Variants in CYRIB observed in about 807,000 individuals in gnomAD.
The protein encoded by CYRIB is CYFIP related Rac1 interactor B, also known as CYFIP-related Rac1 interactor B.
Under a neutral mutation model 44.2 loss-of-function variants are expected in CYRIB, and 8 were observed. That is an observed-to-expected ratio of 0.18 (90% CI 0.11 to 0.33). CYRIB has a LOEUF of 0.33. Ranked by LOEUF, CYRIB falls within the 10% of genes least tolerant of loss-of-function variation. CYRIB has a pLI of 1.00. For synonymous variants in CYRIB, 131 were observed against 127.2 expected, an observed-to-expected ratio of 1.03 and a Z score of -0.20; for missense variants, 185 against 382.8, an observed-to-expected ratio of 0.48 and a Z score of 4.31.
intron 2 of CYRIB, among the ~76,000 whole-genome samples, chr8:129,900,763 T>G (rs1284813147): frequency 6.6e-6 from 1 of 152,142 alleles, no homozygotes; most frequent in Non-Finnish European, 1.5e-5. Flanking sequence ...CATGGCAACC[T>G]CCGCCTCCCA....
intron 1 of CYRIB, among the ~76,000 whole-genome samples, chr8:129,931,510 T>C (rs1008581505): frequency 2.0e-5 from 3 of 152,234 alleles, no homozygotes; most frequent in Non-Finnish European, 4.4e-5. Flanking sequence ...CAACTCATCT[T>C]TGAGAAAATT....
intron 4 of CYRIB, among the ~76,000 whole-genome samples, chr8:129,862,823 C>A (rs2050637240): frequency 1.3e-5 from 2 of 152,162 alleles, no homozygotes; most frequent in Non-Finnish European, 2.9e-5. Context: ...CTCAACTCCA[C>A]AGACACTCCA....
intron 1 of CYRIB, among the ~76,000 whole-genome samples, chr8:129,909,962 C>T (rs1049566868): frequency 6.6e-6 from 1 of 152,222 alleles, no homozygotes; most frequent in Non-Finnish European, 1.5e-5. Context: ...CAGTTTCTGT[C>T]AGACTGGAGT....
chr8:129,846,808 G>C, exon 11 of CYRIB: 1 of 1,593,408 alleles, frequency 6.3e-7, no homozygotes, highest in Non-Finnish European at 8.5e-7. Context: ...ACACACCTGA[G>C]AGCATTTAGA....
At chr8:129,979,610 A>G (rs1467883047) in intron 1 of CYRIB, among the ~76,000 whole-genome samples, 3 of 152,072 alleles carry the variant, frequency 2.0e-5, no homozygotes, top group African/African-American at 4.8e-5. Context: ...AAACAGCAGG[A>G]GGGTCTATTA....
chr8:129,949,309 G>A (rs980442087), intron 2 of CYRIB: 1 of 152,144 alleles, frequency 6.6e-6, no homozygotes, highest in Non-Finnish European at 1.5e-5. Flanking sequence ...ATTACAGAAA[G>A]TGATTTCTAC....
chr8:129,890,179 G>T (rs2064610603), intron 2 of CYRIB, among the ~76,000 whole-genome samples: 1 of 152,240 alleles, frequency 6.6e-6, no homozygotes, highest in Admixed American at 6.5e-5. Context: ...AGGTCTGAAA[G>T]TACTGCTTCC....
At chr8:130,006,607 C>CACACACATATATATGTATAT (rs1359122569) in intron 1 of CYRIB, among the ~76,000 whole-genome samples, 1 of 7,136 alleles carries the variant, frequency 1.4e-4, no homozygotes, top group African/African-American at 4.1e-4. Flanking sequence ...TATATATATA[C>CACACACATATATATGTATAT]ATATATATGT....
intron 1 of CYRIB, among the ~76,000 whole-genome samples, chr8:129,999,428 G>A (rs746614072): frequency 2.6e-5 from 4 of 152,236 alleles, no homozygotes; most frequent in African/African-American, 4.8e-5. Flanking sequence ...CTAGTGACAC[G>A]ATGCAGAGGC....
intron 5 of CYRIB, among the ~76,000 whole-genome samples, chr8:129,860,244 C>T (rs1481165698): frequency 6.6e-6 from 1 of 152,150 alleles, no homozygotes; most frequent in Non-Finnish European, 1.5e-5. Context: ...CTAGTTTGGC[C>T]TATTTTACAA....
At chr8:129,967,524 C>T (rs573156832) in intron 2 of CYRIB, among the ~76,000 whole-genome samples, 6 of 152,100 alleles carry the variant, frequency 3.9e-5, no homozygotes, top group Admixed American at 2.6e-4. Flanking sequence ...GGACTACAGG[C>T]GCCTGCCACC....
intron 2 of CYRIB, among the ~76,000 whole-genome samples, chr8:129,958,589 C>T (rs959122633): frequency 1.3e-5 from 2 of 152,040 alleles, no homozygotes; most frequent in South Asian, 2.1e-4. Context: ...ATGGCAGCCT[C>T]GGGCAGAAAA....
Position 129,959,059 on chromosome 8 carries a change from C to CAAAAAA in CYRIB, c.-243+11878_-243+11883dup, listed in dbSNP as rs60576774. Reference sequence around the variant, plus strand: ...AGCCTGGGCAACAGAGACTCTGTCTCAAAAAAAAAAAAAAAAAAAAAAAAA... The same window carrying CAAAAAA: ...AGCCTGGGCAACAGAGACTCTGTCTCAAAAAAAAAAAAAAAAAAAAAAAAAAAAAAA... On this transcript the variant is annotated intron_variant, in intron 2 of 14. Transcript: ENST00000401979. Among the ~76,000 whole-genome samples, 14 of 68,346 alleles carry CAAAAAA rather than the reference C, an allele frequency of 2.0e-4. 1 individual carries two copies. Among genetic ancestry groups the CAAAAAA allele is most frequent in the South Asian group, 5.2e-4 (1 of 1,908 alleles). The allele number at this position is 68,346 out of a possible 152,430, so 44.8% of individuals were successfully genotyped here.
chr8:129,895,202 C>T (rs746786180), intron 2 of CYRIB, among the ~76,000 whole-genome samples: 3 of 151,050 alleles, frequency 2.0e-5, no homozygotes, highest in Non-Finnish European at 3.0e-5. Flanking sequence ...AGGATCTCAT[C>T]GTGTTGCCCA....
At chr8:129,882,162 A>C (rs372202649) in intron 2 of CYRIB, among the ~76,000 whole-genome samples, 10 of 152,344 alleles carry the variant, frequency 6.6e-5, no homozygotes, top group African/African-American at 2.4e-4. Flanking sequence ...AAAGGACTAT[A>C]ATTATTTTCA....
chr8:129,976,334 T>C (rs2095915797), intron 1 of CYRIB, among the ~76,000 whole-genome samples: 2 of 152,204 alleles, frequency 1.3e-5, no homozygotes, highest in East Asian at 1.9e-4. Flanking sequence ...AAATATGCAA[T>C]AAACATCTGC....
intron 2 of CYRIB, chr8:129,880,585 G>T (rs1373930658): frequency 1.2e-5 from 3 of 241,272 alleles, no homozygotes; most frequent in Non-Finnish European, 2.0e-5. Flanking sequence ...TTGGCATTGA[G>T]AATTTGGAAC....
intron 4 of CYRIB, among the ~76,000 whole-genome samples, chr8:129,867,695 T>A (rs1035612273): frequency 5.3e-5 from 8 of 152,184 alleles, no homozygotes; most frequent in Non-Finnish European, 8.8e-5. Context: ...GACACGGTGC[T>A]ATGCTGTTTA....
At chr8:129,864,797 T>C (rs145598248) in intron 4 of CYRIB, 9 of 440,984 alleles carry the variant, frequency 2.0e-5, no homozygotes, top group African/African-American at 1.9e-4. Context: ...TGGGGCCGCG[T>C]CCTGAATTCT....
Sources: allele counts gnomAD v4.1 joint callset (sites outside exome capture counted in the v4.1 genomes callset), GRCh38; gene constraint gnomAD v4.1.1; transcripts MANE v1.5; gene names NCBI Gene and HGNC (gene_info 2026-07-23, HGNC 2026-07-21).